The following ABL2 variants were observed in gnomAD, a reference collection of about 807,000 sequenced individuals.
The protein encoded by ABL2 is ABL proto-oncogene 2, non-receptor tyrosine kinase.
In ABL2, 49 loss-of-function variants were observed where a neutral mutation model predicts 107.7. The observed-to-expected ratio is 0.45, with a 90% CI of 0.36 to 0.58. The LOEUF is 0.58. Ranked by LOEUF, ABL2 falls within the 20% of genes least tolerant of loss-of-function variation. The probability of loss-of-function intolerance (pLI) is 0.00; values close to 1 mark genes in which losing one functional copy is unlikely to be tolerated. For synonymous variants in ABL2, 549 were observed against 548.6 expected, an observed-to-expected ratio of 1.00 and a Z score of -0.01; for missense variants, 1,245 against 1,457.0, an observed-to-expected ratio of 0.85 and a Z score of 2.37.
At chr1:179,220,197 T>A (rs573733624) in intron 1 of ABL2, among the ~76,000 whole-genome samples, 1 of 152,240 alleles carries the variant, frequency 6.6e-6, no homozygotes, top group Non-Finnish European at 1.5e-5. Flanking sequence ...TTTTCTAAAC[T>A]CTTCATCTAC....
intron 9 of ABL2, among the ~76,000 whole-genome samples, chr1:179,112,889 G>A (rs112095698): frequency 3.6e-4 from 55 of 152,148 alleles, no homozygotes; most frequent in African/African-American, 1.2e-3. Context: ...CGATTTGCTG[G>A]GGCTACAGGC....
intron 1 of ABL2, among the ~76,000 whole-genome samples, chr1:179,216,857 T>C (rs796877989): frequency 1.8e-4 from 27 of 152,108 alleles, no homozygotes; most frequent in African/African-American, 6.3e-4. Flanking sequence ...CTAATTTTTG[T>C]ATTTTTAGTA....
At position 179,110,394 on chromosome 1, in the gene ABL2, C is replaced by T; in HGVS notation, c.1713G>A (p.Arg571=). The T allele has an allele frequency of 6.2e-7, 1 of 1,614,150 alleles. No homozygotes were observed. The highest frequency in any genetic ancestry group is 8.5e-7 in the Non-Finnish European group (1 of 1,180,022). Residue 571 remains arginine, a synonymous_variant, in exon 11 of 12, where the codon CGG becomes CGA. Transcript: ENST00000502732. ...GAGTCTTGGAAGGAAGTATAGGTAG[C>T]CGGGGCAGGTATGGAACAACAGATG... The part of the protein sequence containing the change: ...SSSSVVPYLP[R]LPILPSKTRT...
chr1:179,198,659 C>G (rs1490966918), intron 1 of ABL2, among the ~76,000 whole-genome samples: 2 of 131,188 alleles, frequency 1.5e-5, no homozygotes, highest in Admixed American at 8.3e-5. Flanking sequence ...CGCCACTGCA[C>G]TCCAGCCTGG....
chr1:179,153,589 G>A (rs949578406), intron 1 of ABL2, among the ~76,000 whole-genome samples: 7 of 152,008 alleles, frequency 4.6e-5, no homozygotes, highest in South Asian at 2.1e-4. Flanking sequence ...GTGTGAAATC[G>A]TCCTCTGTTA....
chr1:179,223,024 T>C (rs996637723), intron 1 of ABL2, among the ~76,000 whole-genome samples: 3 of 148,698 alleles, frequency 2.0e-5, no homozygotes, highest in African/African-American at 7.5e-5. Flanking sequence ...GCAGGTGAAT[T>C]GCTTGAACCC....
At chr1:179,186,544 A>C (rs1437008071) in intron 1 of ABL2, among the ~76,000 whole-genome samples, 1 of 151,496 alleles carries the variant, frequency 6.6e-6, no homozygotes, top group Non-Finnish European at 1.5e-5. Context: ...ATGCCCAGCT[A>C]ATTTTTTTGT....
intron 10 of ABL2, 129 bp from the exon 11 acceptor site, chr1:179,110,584 TA>T (rs1653957379): frequency 4.0e-6 from 6 of 1,498,848 alleles, no homozygotes; most frequent in Admixed American, 2.5e-5. Context: ...CACGGAATCA[TA>T]AAGTATGTAC....
At chr1:179,167,823 A>G (rs566798232) in intron 1 of ABL2, among the ~76,000 whole-genome samples, 7 of 152,232 alleles carry the variant, frequency 4.6e-5, no homozygotes, top group Admixed American at 1.3e-4. Flanking sequence ...CTACTAAAAA[A>G]TACAAAACTC....
chr1:179,105,662 G>A lies in ABL2; in HGVS notation c.*2056C>T, dbSNP rs545686726. 3 of 226,932 alleles carry A rather than the reference G, an allele frequency of 1.3e-5. No individual in the cohort carries two copies. Among genetic ancestry groups the A allele is most frequent in the Admixed American group, 5.7e-5 (1 of 17,558 alleles). The allele number at this position is 226,932 out of a possible 1,614,324, so 14.1% of individuals were successfully genotyped here. ...ACCTGCCAGGAATGCCCAGCACCGCGTGTCTCCTCTAATCCTCTTAACCTG... is the reference window on the plus strand; with the variant it reads ...ACCTGCCAGGAATGCCCAGCACCGCATGTCTCCTCTAATCCTCTTAACCTG... On this transcript the variant is annotated 3_prime_UTR_variant, in exon 12 of 12. Transcript: ENST00000502732.
intron 1 of ABL2, among the ~76,000 whole-genome samples, chr1:179,197,735 G>A (rs1222434622): frequency 1.3e-5 from 2 of 151,914 alleles, no homozygotes; most frequent in African/African-American, 4.8e-5. Context: ...CAGGCGTGGT[G>A]GCATGTGACT....
chr1:179,123,665 G>A (rs1655444353), intron 4 of ABL2, among the ~76,000 whole-genome samples: 1 of 152,234 alleles, frequency 6.6e-6, no homozygotes, highest in East Asian at 1.9e-4. Flanking sequence ...GGTCTCACTC[G>A]GTTGCCCGGC....
chr1:179,178,647 TGGGAGG>T (rs1281165701), intron 1 of ABL2, among the ~76,000 whole-genome samples: 3 of 152,044 alleles, frequency 2.0e-5, no homozygotes, highest in Non-Finnish European at 4.4e-5. Flanking sequence ...TCCAGCACTT[TGGGAGG>T]CCAAGGCAGG....
intron 1 of ABL2, among the ~76,000 whole-genome samples, chr1:179,208,159 T>C (rs1467172711): frequency 1.3e-5 from 2 of 152,174 alleles, no homozygotes; most frequent in East Asian, 3.8e-4. Flanking sequence ...TATATATATT[T>C]TTTCAACTTT....
intron 9 of ABL2, among the ~76,000 whole-genome samples, chr1:179,114,040 A>G (rs1164150949): frequency 6.6e-6 from 1 of 152,140 alleles, no homozygotes; most frequent in Non-Finnish European, 1.5e-5. Flanking sequence ...GCATCACTTG[A>G]GGTTAGGAGT....
chr1:179,118,371 T>G (rs978812489), intron 7 of ABL2, among the ~76,000 whole-genome samples: 1 of 151,630 alleles, frequency 6.6e-6, no homozygotes, highest in African/African-American at 2.4e-5. Flanking sequence ...TTTAAGAGAG[T>G]TCTCAGGTTT....
At chr1:179,222,858 C>T (rs1369876315) in intron 1 of ABL2, among the ~76,000 whole-genome samples, 1 of 151,608 alleles carries the variant, frequency 6.6e-6, no homozygotes, top group East Asian at 1.9e-4. Context: ...CGCCTGTAAT[C>T]CTAACACTTT....
chr1:179,108,694 G>T lies in ABL2; in HGVS notation c.2573C>A (p.Thr858Lys). ...AGAGGGTGTTCTGAGAGGAAGAGCTGTGGCTCCTCTGGGCAATAACTTGGC... is the reference window on the plus strand; with the variant it reads ...AGAGGGTGTTCTGAGAGGAAGAGCTTTGGCTCCTCTGGGCAATAACTTGGC... ...PKAKLLPRGA[T>K]ALPLRTPSGD... is the part of the protein sequence containing the mutation. The change falls in exon 12 of 12, where the codon ACA becomes AAA. Residue 858 changes from threonine (T) to lysine (K), a missense_variant. By Grantham distance (78) the Thr-to-Lys change is moderately conservative (BLOSUM62 -1). Transcript: ENST00000502732. The T allele has an allele frequency of 6.2e-7, 1 of 1,614,216 alleles. No individual in the cohort carries two copies. The highest frequency in any genetic ancestry group is 1.3e-5 in the African/African-American group (1 of 75,072).
At chr1:179,211,207 T>C (rs1313059219) in intron 1 of ABL2, among the ~76,000 whole-genome samples, 1 of 152,186 alleles carries the variant, frequency 6.6e-6, no homozygotes, top group East Asian at 1.9e-4. Flanking sequence ...TTCATAAAGT[T>C]TTCAGTCTAA....
Sources: allele counts gnomAD v4.1 joint callset (sites outside exome capture counted in the v4.1 genomes callset), GRCh38; gene constraint gnomAD v4.1.1; transcripts MANE v1.5; gene names NCBI Gene and HGNC (gene_info 2026-07-23, HGNC 2026-07-21).